The following FHIT variants were observed in gnomAD, a reference collection of about 807,000 sequenced individuals.
FHIT encodes bis(5'-adenosyl)-triphosphatase.
In FHIT, 19 loss-of-function variants were observed where a neutral mutation model predicts 17.9. The observed-to-expected ratio is 1.06, with a 90% CI of 0.74 to 1.56. The LOEUF (loss-of-function observed/expected upper bound fraction) is 1.56. Among genes scored for constraint, FHIT ranks in the 40% most tolerant of loss-of-function variants. The pLI is 0.00. For missense variants in FHIT, 248 were observed against 189.2 expected (o/e 1.31, Z -1.82); for synonymous variants, 81 against 69.7 (o/e 1.16, Z -0.81).
intron 4 of FHIT, among the ~76,000 whole-genome samples, chr3:60,685,746 T>C (rs782746474): frequency 2.6e-5 from 4 of 152,178 alleles, no homozygotes; most frequent in Non-Finnish European, 1.5e-5. Flanking sequence ...CACACATGTA[T>C]GAATCTATTT....
At chr3:60,540,930 C>T (rs2036166557) in intron 4 of FHIT, among the ~76,000 whole-genome samples, 1 of 152,166 alleles carries the variant, frequency 6.6e-6, no homozygotes, top group South Asian at 2.1e-4. Flanking sequence ...ATAGCATCAG[C>T]ATCACTTGGG....
chr3:60,441,953 G>C (rs1029872193), intron 5 of FHIT, among the ~76,000 whole-genome samples: 1 of 149,020 alleles, frequency 6.7e-6, no homozygotes, highest in African/African-American at 2.5e-5. Context: ...CAAACTCCTG[G>C]GCTCAAGTAA....
At chr3:60,690,159 AG>A in intron 4 of FHIT, 1 of 437,546 alleles carries the variant, frequency 2.3e-6, no homozygotes. Flanking sequence ...AATGGGGTGG[AG>A]GGGTGCTCCC....
At chr3:60,131,078 T>TATATAC (rs1699575457) in intron 5 of FHIT, among the ~76,000 whole-genome samples, 1 of 68,352 alleles carries the variant, frequency 1.5e-5, no homozygotes, top group Non-Finnish European at 2.6e-5. Context: ...TATGTATGTA[T>TATATAC]ACACATATAT....
chr3:59,752,836 C>A (rs1337711112), intron 8 of FHIT, among the ~76,000 whole-genome samples: 4 of 152,194 alleles, frequency 2.6e-5, no homozygotes, highest in Non-Finnish European at 5.9e-5. Flanking sequence ...GCTTTCTGTA[C>A]AGCCTGAGAA....
At chr3:59,890,532 T>TA in intron 8 of FHIT, among the ~76,000 whole-genome samples, 1 of 152,292 alleles carries the variant, frequency 6.6e-6, no homozygotes, top group East Asian at 1.9e-4. Context: ...GTTCATCTGT[T>TA]ACATTCCCAA....
intron 5 of FHIT, among the ~76,000 whole-genome samples, chr3:60,184,719 G>A (rs1429401096): frequency 6.6e-6 from 1 of 152,152 alleles, no homozygotes; most frequent in African/African-American, 2.4e-5. Context: ...AGATGTGAGA[G>A]CTAGGCTCCA....
At chr3:60,802,549 T>C (rs912019921) in intron 4 of FHIT, among the ~76,000 whole-genome samples, 1 of 152,242 alleles carries the variant, frequency 6.6e-6, no homozygotes, top group African/African-American at 2.4e-5. Flanking sequence ...TAAAACTATT[T>C]ACAGTACTCA....
At chr3:60,004,316 G>T (rs113220384) in intron 7 of FHIT, among the ~76,000 whole-genome samples, 1 of 152,064 alleles carries the variant, frequency 6.6e-6, no homozygotes, top group African/African-American at 2.4e-5. Flanking sequence ...ATTACAAATA[G>T]CAAAATAAAT....
chr3:60,114,747 G>C (rs1353932065), intron 5 of FHIT, among the ~76,000 whole-genome samples: 1 of 151,868 alleles, frequency 6.6e-6, no homozygotes, highest in Non-Finnish European at 1.5e-5. Flanking sequence ...ACCTGTCTCA[G>C]CCTCATGGGA....
At chr3:59,938,298 C>G (rs1706342411) in intron 7 of FHIT, among the ~76,000 whole-genome samples, 1 of 152,056 alleles carries the variant, frequency 6.6e-6, no homozygotes, top group African/African-American at 2.4e-5. Flanking sequence ...AAACCAGACA[C>G]AGAAAGAAAA....
chr3:60,840,573 C>A (rs1702690818), intron 3 of FHIT, among the ~76,000 whole-genome samples: 1 of 152,160 alleles, frequency 6.6e-6, no homozygotes, highest in Non-Finnish European at 1.5e-5. Flanking sequence ...ACAAGCCAAC[C>A]TGGGAATCTG....
At chr3:60,687,519 G>A (rs35858922) in intron 4 of FHIT, among the ~76,000 whole-genome samples, 3 of 152,004 alleles carry the variant, frequency 2.0e-5, no homozygotes, top group Non-Finnish European at 4.4e-5. Flanking sequence ...TTTCAGTGTA[G>A]GCAGAACATG....
intron 8 of FHIT, among the ~76,000 whole-genome samples, chr3:59,812,870 TA>T (rs1211676713): frequency 1.3e-5 from 2 of 152,218 alleles, no homozygotes; most frequent in Admixed American, 1.3e-4. Context: ...TTTTGTTCTT[TA>T]AAGCATAAAC....
intron 5 of FHIT, among the ~76,000 whole-genome samples, chr3:60,402,800 A>G (rs1701713573): frequency 6.6e-6 from 1 of 152,232 alleles, no homozygotes; most frequent in Non-Finnish European, 1.5e-5. Context: ...GTCACTGTAT[A>G]GTCATTGCTT....
At chr3:59,932,718 CCTA>C (rs1241596399) in intron 7 of FHIT, among the ~76,000 whole-genome samples, 1 of 152,042 alleles carries the variant, frequency 6.6e-6, no homozygotes, top group Non-Finnish European at 1.5e-5. Flanking sequence ...GAGAAATCTT[CCTA>C]CTGTTTCTGT....
intron 7 of FHIT, among the ~76,000 whole-genome samples, chr3:59,972,104 A>G (rs9825541): frequency 0.016 from 2,481 of 152,130 alleles, 86 homozygotes; most frequent in African/African-American, 0.057. Flanking sequence ...TATGTAACTC[A>G]TGGACCAGCT....
intron 5 of FHIT, among the ~76,000 whole-genome samples, chr3:60,246,138 T>C (rs935522020): frequency 1.3e-5 from 2 of 152,058 alleles, no homozygotes; most frequent in Non-Finnish European, 2.9e-5. Flanking sequence ...TAAAGAGGCA[T>C]TGCAGTAATA....
chr3:60,776,464 A>T (rs13078149), intron 4 of FHIT, among the ~76,000 whole-genome samples: 37,857 of 152,140 alleles, frequency 0.25, 5,020 homozygotes, highest in African/African-American at 0.31. Flanking sequence ...TATTGGTCAA[A>T]TGCAGGTATT....
Sources: allele counts gnomAD v4.1 joint callset (sites outside exome capture counted in the v4.1 genomes callset), GRCh38; gene constraint gnomAD v4.1.1; transcripts MANE v1.5; gene names NCBI Gene and HGNC (gene_info 2026-07-23, HGNC 2026-07-21).